The following ASZ1 variants were observed in gnomAD, a reference collection of about 807,000 sequenced individuals.
ASZ1 encodes the protein ankyrin repeat, SAM and basic leucine zipper domain containing 1, also known as ankyrin repeat, SAM and basic leucine zipper domain-containing protein 1.
A neutral mutation model predicts 61.8 loss-of-function variants in ASZ1; 67 were observed. That is an observed-to-expected ratio of 1.08 (90% CI 0.89 to 1.33). ASZ1 has a LOEUF of 1.33. Ranked by LOEUF, ASZ1 falls within the 40% of genes most tolerant of loss-of-function variation. ASZ1 has a pLI of 0.00. For synonymous variants in ASZ1, 193 were observed against 192.7 expected (o/e 1.00, Z -0.01); for missense variants, 577 against 554.5 (o/e 1.04, Z -0.41).
At chr7:117,370,307 C>T (rs886349606) in intron 10 of ASZ1, among the ~76,000 whole-genome samples, 1 of 151,920 alleles carries the variant, frequency 6.6e-6, no homozygotes, top group Non-Finnish European at 1.5e-5. Context: ...GACCACAGGA[C>T]ATATTGTGAA....
rs370500034 is a variant in ASZ1 at position 117,379,133 on chromosome 7, TTATATATATATATATA to T, written c.1055+789_1055+804del. Among the ~76,000 whole-genome samples the T allele has an allele frequency of 9.2e-3, 967 of 104,676 alleles. 15 individuals carry two copies. Among genetic ancestry groups the T allele is most frequent in the African/African-American group, 0.032 (928 of 28,594 alleles). 68.7% of individuals were successfully genotyped at this position (104,676 alleles called of 152,430 possible). A position where few individuals can be genotyped will look rare whatever the true frequency, so the allele number is the denominator to read the frequency against. The stretch of plus-strand genomic sequence containing the variant: ...ACATGAAGCTATAAATGTGATAAAA[TTATATATATATATATA>T]TATATATATATATATATATACACAC... On this transcript the variant is annotated intron_variant, in intron 10 of 12. Coordinates refer to ENST00000284629, the MANE Select transcript of ASZ1 (RefSeq NM_130768.3).
chr7:117,381,122 G>T, intron 8 of ASZ1, 55 bp from the exon 9 acceptor site: 1 of 1,434,166 alleles, frequency 7.0e-7, no homozygotes, highest in Non-Finnish European at 9.5e-7. Flanking sequence ...AGTAGAAGGA[G>T]AAGTAGGCAA....
At chr7:117,379,893 G>C (rs1796217308) in intron 10 of ASZ1, 45 bp downstream of exon 10, 1 of 1,214,906 alleles carries the variant, frequency 8.2e-7, no homozygotes, top group Non-Finnish European at 1.2e-6. Flanking sequence ...AAGAACAATT[G>C]GTTCTTAACA....
In ASZ1 at chr7:117,372,350, G is replaced by A. The variant is rs182744309; in HGVS notation, c.1056-3633C>T. Among the ~76,000 whole-genome samples the A allele has an allele frequency of 3.3e-5, 5 of 152,222 alleles. No homozygotes were observed. In the East Asian group the frequency reaches 9.7e-4, roughly 29 times the overall value. On this transcript the variant is annotated intron_variant, in intron 10 of 12. Transcript: ENST00000284629. ...ATAAAATATGATTGGAAGTTACTGTGTAACTTTTGAACAGAAGCTTCAAGA... is the reference window on the plus strand; with the variant it reads ...ATAAAATATGATTGGAAGTTACTGTATAACTTTTGAACAGAAGCTTCAAGA...
intron 6 of ASZ1, among the ~76,000 whole-genome samples, chr7:117,384,377 T>C (rs1489022612): frequency 1.3e-5 from 2 of 152,120 alleles, no homozygotes; most frequent in Non-Finnish European, 1.5e-5. Context: ...AGTTACATGT[T>C]CAAACTGGCA....
chr7:117,382,686 A>G (rs1796277581), intron 7 of ASZ1, among the ~76,000 whole-genome samples: 1 of 152,174 alleles, frequency 6.6e-6, no homozygotes, highest in South Asian at 2.1e-4. Flanking sequence ...AAAAATAATT[A>G]GAAAACAAGG....
intron 10 of ASZ1, among the ~76,000 whole-genome samples, chr7:117,376,148 C>T (rs1334047156): frequency 6.6e-6 from 1 of 151,974 alleles, no homozygotes; most frequent in Non-Finnish European, 1.5e-5. Flanking sequence ...CCACAGCCAT[C>T]CAAAGAGTAG....
In ASZ1 at chr7:117,379,408, T is replaced by C. The variant is rs1364916027; in HGVS notation, c.1055+530A>G. The stretch of plus-strand genomic sequence containing the variant: ...AAATCATTTATTGCTCTATAATGTA[T>C]TAATAAAATCAAATATTATTTTCAA... On this transcript the variant is annotated intron_variant, in intron 10 of 12. Transcript: ENST00000284629. 2.6e-5 allele frequency among the ~76,000 whole-genome samples: 4 copies of C among 151,708 alleles called. No homozygotes were observed. In the East Asian group the frequency reaches 7.7e-4, roughly 29 times the overall value.
In ASZ1 at chr7:117,427,444, A is replaced by T. The variant is rs760027194; in HGVS notation, c.17T>A (p.Leu6Gln). The part of the protein sequence containing the change: MAASA[L>Q]RGLPVAGGGE... ...TCCGCCAGCCACTGGCAGGCCTCGC[A>T]GCGCGCTCGCCGCCATGCCAGCCAA... Residue 6 changes from leucine to glutamine, a missense_variant, in exon 1 of 13, where the codon CTG becomes CAG. Transcript: ENST00000284629. The T allele has an allele frequency of 1.9e-6, 3 of 1,613,704 alleles. No individual in the cohort carries two copies. Among genetic ancestry groups the T allele is most frequent in the Non-Finnish European group, 2.5e-6 (3 of 1,179,914 alleles).
intron 4 of ASZ1, among the ~76,000 whole-genome samples, chr7:117,387,751 T>C (rs919124439): frequency 2.0e-5 from 3 of 152,228 alleles, no homozygotes; most frequent in Non-Finnish European, 4.4e-5. Flanking sequence ...CTTCCATTCT[T>C]GGCCACTTAC....
Position 117,385,807 on chromosome 7 carries a change from C to T in ASZ1, c.443G>A (p.Arg148Lys). 4 of 1,607,500 alleles carry T rather than the reference C, an allele frequency of 2.5e-6. No homozygotes were observed. The highest frequency in any genetic ancestry group is 3.4e-6 in the Non-Finnish European group (4 of 1,175,106). The stretch of plus-strand genomic sequence containing the variant: ...AGCATACATGATTGGGGTCATAAGT[C>T]TCCTAAGGAGGAGGAAGAAAGGAAA... Reference protein sequence around the residue: ...RNADPNVACRRLMTPIMYAAR... With the variant: ...RNADPNVACRKLMTPIMYAAR... Residue 148 changes from arginine to lysine, a missense_variant and splice_region_variant, in exon 5 of 13, where the codon AGA becomes AAA. By Grantham distance (26) the Arg-to-Lys change is conservative. Transcript: ENST00000284629.
At chr7:117,364,123 A>G (rs949128999) in intron 12 of ASZ1, among the ~76,000 whole-genome samples, 2 of 152,228 alleles carry the variant, frequency 1.3e-5, no homozygotes, top group African/African-American at 4.8e-5. Flanking sequence ...CGTCTTACAA[A>G]AAAGTGAATC....
chr7:117,387,722 A>G (rs1796388276), intron 4 of ASZ1, among the ~76,000 whole-genome samples: 1 of 152,168 alleles, frequency 6.6e-6, no homozygotes, highest in South Asian at 2.1e-4. Context: ...CCATAGTCTC[A>G]TAACTGCTCT....
intron 10 of ASZ1, 96 bp from the exon 11 acceptor site, chr7:117,368,813 T>C (rs1795994105): frequency 6.4e-7 from 1 of 1,565,754 alleles, no homozygotes; most frequent in African/African-American, 1.4e-5. Context: ...GTCATAAAAT[T>C]AGATTCTTCC....
intron 12 of ASZ1, among the ~76,000 whole-genome samples, chr7:117,365,278 T>C (rs1667970431): frequency 6.6e-6 from 1 of 152,140 alleles, no homozygotes; most frequent in African/African-American, 2.4e-5. Flanking sequence ...ATGCATAAAT[T>C]CTAAATAGAG....
rs776008592 is a variant in ASZ1, at chr7:117,385,722, A to G, written c.528T>C (p.Asn176=). 1 of 1,609,676 alleles carries G rather than the reference A, an allele frequency of 6.2e-7. No homozygotes were observed. The highest frequency in any genetic ancestry group is 1.1e-5 in the South Asian group (1 of 90,960). ...ALLVAHGAEV[N]TQDENGYTAL... is the part of the protein sequence containing the mutation. ...CAGTGTAACCATTCTCATCCTGGGTATTAACTTCTGCTCCATGAGCAACAA... is the reference window on the plus strand; with the variant it reads ...CAGTGTAACCATTCTCATCCTGGGTGTTAACTTCTGCTCCATGAGCAACAA... Residue 176 remains asparagine, a synonymous_variant, in exon 5 of 13, where the codon AAT becomes AAC. Coordinates refer to ENST00000284629, the MANE Select transcript of ASZ1 (RefSeq NM_130768.3).
intron 2 of ASZ1, among the ~76,000 whole-genome samples, chr7:117,423,416 T>C (rs1202809997): frequency 1.3e-5 from 2 of 152,108 alleles, no homozygotes; most frequent in Non-Finnish European, 2.9e-5. Context: ...TTGTCTTCTC[T>C]AACAAATCTT....
At chr7:117,386,155 A>G (rs1309685443) in intron 4 of ASZ1, among the ~76,000 whole-genome samples, 1 of 152,244 alleles carries the variant, frequency 6.6e-6, no homozygotes, top group Non-Finnish European at 1.5e-5. Context: ...GGAATATAGT[A>G]ATGAATGACA....
At chr7:117,399,385 TC>T (rs1327005623) in intron 4 of ASZ1, among the ~76,000 whole-genome samples, 1 of 152,228 alleles carries the variant, frequency 6.6e-6, no homozygotes, top group Non-Finnish European at 1.5e-5. Flanking sequence ...CAGTTTTTGT[TC>T]CTAGAGACAC....
Sources: allele counts gnomAD v4.1 joint callset (sites outside exome capture counted in the v4.1 genomes callset), GRCh38; gene constraint gnomAD v4.1.1; transcripts MANE v1.5; gene names NCBI Gene and HGNC (gene_info 2026-07-23, HGNC 2026-07-21).